Variants in PPP1R12A observed in about 807,000 individuals in gnomAD.
PPP1R12A encodes myosin binding subunit.
PPP1R12A carries 19 observed loss-of-function variants against 139.6 expected under a neutral mutation model. The ratio of observed to expected loss-of-function variants is 0.14; its 90% CI spans 0.09 to 0.20. The LOEUF is 0.20. Ranked by LOEUF, PPP1R12A falls within the 10% of genes least tolerant of loss-of-function variation. PPP1R12A has a pLI of 1.00. For missense variants in PPP1R12A, 925 were observed against 1,211.5 expected (o/e 0.76, Z 3.51); for synonymous variants, 427 against 420.6 (o/e 1.02, Z -0.19).
intron 2 of PPP1R12A, among the ~76,000 whole-genome samples, chr12:79,859,337 TA>T (rs762029004): frequency 1.1e-3 from 85 of 74,226 alleles, no homozygotes; most frequent in Admixed American, 1.5e-3. Flanking sequence ...ACTCTGTCTT[TA>T]AAAAAAAAAA....
At position 79,935,061 on chromosome 12, in the gene PPP1R12A, G is replaced by C; in HGVS notation, c.-130C>G. 1 of 1,405,774 alleles carries C rather than the reference G, an allele frequency of 7.1e-7. No homozygotes were observed. Among genetic ancestry groups the C allele is most frequent in the Non-Finnish European group, 9.2e-7 (1 of 1,082,070 alleles). 87.1% of individuals were successfully genotyped at this position (1,405,774 alleles called of 1,614,324 possible). A position where few individuals can be genotyped will look rare whatever the true frequency, so the allele number is the denominator to read the frequency against. ...GCCAGAGGAGGGCTGGGAACCCGGA[G>C]CCGACGCTCGAGACTTCCAGTATCC... On this transcript the variant is annotated 5_prime_UTR_variant, in exon 1 of 25. Coordinates refer to ENST00000450142, the MANE Select transcript of PPP1R12A (RefSeq NM_002480.3).
chr12:79,796,218 CT>C (rs1347449482), intron 17 of PPP1R12A, among the ~76,000 whole-genome samples: 1 of 151,878 alleles, frequency 6.6e-6, no homozygotes, highest in East Asian at 1.9e-4. Flanking sequence ...ATATTTAGTA[CT>C]TATATCTGAT....
At chr12:79,892,369 T>C (rs1396946420) in intron 1 of PPP1R12A, among the ~76,000 whole-genome samples, 2 of 152,182 alleles carry the variant, frequency 1.3e-5, no homozygotes, top group Non-Finnish European at 2.9e-5. Flanking sequence ...GTGGCAGTAC[T>C]CATGATTAAC....
intron 23 of PPP1R12A, chr12:79,778,899 G>C: frequency 4.1e-6 from 1 of 241,740 alleles, no homozygotes; most frequent in Non-Finnish European, 8.2e-6. Context: ...CAATACTCAA[G>C]ACTGAAGACT....
chr12:79,906,367 A>G (rs182210639), intron 1 of PPP1R12A, among the ~76,000 whole-genome samples: 38 of 152,270 alleles, frequency 2.5e-4, no homozygotes, highest in Middle Eastern at 3.4e-3. Flanking sequence ...ACACAAACAC[A>G]TAAAAATTAG....
chr12:79,788,816 T>C (rs913400432), intron 20 of PPP1R12A, 33 bp from the exon 21 acceptor site: 5 of 1,524,882 alleles, frequency 3.3e-6, no homozygotes, highest in Non-Finnish European at 4.4e-6. Flanking sequence ...AAAAACCTTG[T>C]TATAGGCTTT....
intron 2 of PPP1R12A, among the ~76,000 whole-genome samples, chr12:79,870,003 C>A (rs1159192172): frequency 6.6e-6 from 1 of 151,486 alleles, no homozygotes; most frequent in Non-Finnish European, 1.5e-5. Context: ...AATTAGGCCA[C>A]CAGACTATTA....
upstream of PPP1R12A, chr12:79,935,213 G>T (rs961388097): frequency 2.3e-6 from 3 of 1,295,084 alleles, no homozygotes; most frequent in African/African-American, 3.1e-5. Context: ...GATCCGGACT[G>T]GGAGGCGCCC....
intron 1 of PPP1R12A, among the ~76,000 whole-genome samples, chr12:79,910,894 A>G (rs1886512683): frequency 6.6e-6 from 1 of 152,214 alleles, no homozygotes; most frequent in Non-Finnish European, 1.5e-5. Context: ...AACACAAATC[A>G]CTTGAAACTT....
At chr12:79,788,913 A>AT in intron 20 of PPP1R12A, 130 bp from the exon 21 acceptor site, 1 of 756,908 alleles carries the variant, frequency 1.3e-6, no homozygotes, top group Non-Finnish European at 2.0e-6. Flanking sequence ...TATCTGATTA[A>AT]TTTTTGTGAT....
intron 1 of PPP1R12A, among the ~76,000 whole-genome samples, chr12:79,919,459 G>T (rs1179163486): frequency 6.6e-6 from 1 of 151,648 alleles, no homozygotes; most frequent in Non-Finnish European, 1.5e-5. Context: ...GGAGGCTGAG[G>T]CAAGAGAATT....
At chr12:79,861,928 C>T (rs1336808091) in intron 2 of PPP1R12A, among the ~76,000 whole-genome samples, 4 of 152,170 alleles carry the variant, frequency 2.6e-5, no homozygotes, top group African/African-American at 9.7e-5. Context: ...CAGACTTAAA[C>T]GTCTGTGCCT....
chr12:79,896,745 C>T (rs938535079), intron 1 of PPP1R12A, among the ~76,000 whole-genome samples: 1 of 152,190 alleles, frequency 6.6e-6, no homozygotes, highest in Non-Finnish European at 1.5e-5. Context: ...TTAAATCCAT[C>T]TTGATCTTTC....
At chr12:79,895,750 T>G (rs1022042943) in intron 1 of PPP1R12A, among the ~76,000 whole-genome samples, 1 of 152,222 alleles carries the variant, frequency 6.6e-6, no homozygotes, top group African/African-American at 2.4e-5. Context: ...GCTACTCTGT[T>G]CAGATTTTGT....
chr12:79,807,426 T>G, intron 11 of PPP1R12A, 96 bp from the exon 12 acceptor site: 1 of 739,640 alleles, frequency 1.4e-6, no homozygotes, highest in South Asian at 1.7e-5. Flanking sequence ...CTGAAACTAG[T>G]AAAAACCTTT....
At chr12:79,776,995 T>C in intron 24 of PPP1R12A, 1 of 296,470 alleles carries the variant, frequency 3.4e-6, no homozygotes, top group Non-Finnish European at 5.0e-6. Context: ...CAATATGTTC[T>C]TATCTGTGTT....
chr12:79,932,388 A>C (rs1315350886), intron 1 of PPP1R12A, among the ~76,000 whole-genome samples: 3 of 152,198 alleles, frequency 2.0e-5, no homozygotes, highest in Non-Finnish European at 2.9e-5. Context: ...AAAAAGTACA[A>C]GAGTTGATAA....
chr12:79,872,248 A>G (rs1440614344), intron 2 of PPP1R12A, among the ~76,000 whole-genome samples: 2 of 152,164 alleles, frequency 1.3e-5, no homozygotes, highest in South Asian at 2.1e-4. Flanking sequence ...ATTTTTCAAG[A>G]TATCTATACT....
At chr12:79,874,463 C>A (rs1882906545) in intron 1 of PPP1R12A, among the ~76,000 whole-genome samples, 2 of 151,596 alleles carry the variant, frequency 1.3e-5, no homozygotes, top group Non-Finnish European at 2.9e-5. Context: ...TACATACAAC[C>A]AAGAAAAAAT....
Sources: gnomAD v4.1 joint callset for allele counts (sites outside exome capture counted in the v4.1 genomes callset) on GRCh38, gnomAD v4.1.1 for gene constraint, MANE v1.5 for transcripts, NCBI Gene and HGNC (gene_info 2026-07-23, HGNC 2026-07-21) for gene names.